Variants in TENM1 observed in about 807,000 individuals in gnomAD.
The protein encoded by TENM1 is teneurin transmembrane protein 1, also known as teneurin-1.
In TENM1, 35 loss-of-function variants were observed where a neutral mutation model predicts 174.8. The ratio of observed to expected loss-of-function variants is 0.20; its 90% CI spans 0.15 to 0.27. TENM1 has a LOEUF of 0.27. Among genes scored for constraint, TENM1 ranks in the 10% least tolerant of loss-of-function variants. The probability of loss-of-function intolerance (pLI) is 1.00; values close to 1 mark genes in which losing one functional copy is unlikely to be tolerated. For synonymous variants in TENM1, 781 were observed against 798.7 expected (o/e 0.98, Z 0.37); for missense variants, 1,633 against 2,130.1 (o/e 0.77, Z 4.59).
At chrX:124,409,858 T>G (rs868166643) in intron 25 of TENM1, among the ~76,000 whole-genome samples, 45 of 109,879 alleles carry the variant, frequency 4.1e-4, no homozygotes, top group Admixed American at 9.6e-4. Context: ...CACTGCTCAA[T>G]GAAATAAAAG....
the TENM1 span, among the ~76,000 whole-genome samples, chrX:125,138,197 T>A: frequency 9.0e-6 from 1 of 110,785 alleles, no homozygotes; most frequent in Non-Finnish European, 1.9e-5. Context: ...GCCCCTGGTA[T>A]AAAGAAATGG....
chrX:124,720,685 C>T (rs1010780695), intron 4 of TENM1, among the ~76,000 whole-genome samples: 1 of 112,103 alleles, frequency 8.9e-6, no homozygotes, highest in Non-Finnish European at 1.9e-5. Context: ...TTTAAAAATG[C>T]ATTTATTTAA....
intron 11 of TENM1, among the ~76,000 whole-genome samples, chrX:124,618,170 C>A (rs1056857781): frequency 2.7e-5 from 3 of 111,751 alleles, no homozygotes; most frequent in African/African-American, 9.7e-5. Flanking sequence ...TAGACATTCA[C>A]GCTGCTTGGA....
chrX:124,664,857 C>T (rs953443908), intron 6 of TENM1, among the ~76,000 whole-genome samples: 5 of 110,198 alleles, frequency 4.5e-5, no homozygotes, highest in African/African-American at 1.3e-4. Context: ...TCAAGATAGC[C>T]GTTATTTAAA....
intron 23 of TENM1, 99 bp downstream of exon 26, chrX:124,453,238 A>G: frequency 1.2e-6 from 1 of 848,569 alleles, no homozygotes; most frequent in Non-Finnish European, 1.6e-6. Flanking sequence ...TATAACAGAT[A>G]TGCCAGGCTT....
chrX:124,668,379 G>A (rs2051826991), intron 6 of TENM1, among the ~76,000 whole-genome samples: 1 of 111,678 alleles, frequency 9.0e-6, no homozygotes, highest in Non-Finnish European at 1.9e-5. Context: ...AAATCATGCT[G>A]CTATAAAGAC....
chrX:124,983,392 C>T, the TENM1 span, among the ~76,000 whole-genome samples: 1 of 111,401 alleles, frequency 9.0e-6, no homozygotes, highest in Non-Finnish European at 1.9e-5. Flanking sequence ...GAATAAGTAG[C>T]TTACTTAATT....
At chrX:124,734,637 G>C (rs1431977892) in intron 4 of TENM1, among the ~76,000 whole-genome samples, 1 of 110,828 alleles carries the variant, frequency 9.0e-6, no homozygotes, top group Non-Finnish European at 1.9e-5. Flanking sequence ...TCCTGGACAT[G>C]GGCCATAGTA....
chrX:124,902,160 C>G (rs766453409), intron 1 of TENM1, among the ~76,000 whole-genome samples: 13 of 111,820 alleles, frequency 1.2e-4, no homozygotes, highest in Non-Finnish European at 1.9e-4. Context: ...TAATTATAAC[C>G]CGAACCTGTT....
the TENM1 span, among the ~76,000 whole-genome samples, chrX:125,113,857 C>G: frequency 1.1e-4 from 12 of 110,824 alleles, no homozygotes; most frequent in Non-Finnish European, 2.1e-4. Flanking sequence ...ATCAATGAAA[C>G]AGAAAATTAA....
intron 10 of TENM1, 25 bp from the exon 14 acceptor site, chrX:124,642,016 G>C: frequency 8.8e-7 from 1 of 1,142,321 alleles, no homozygotes; most frequent in East Asian, 3.0e-5. Flanking sequence ...AAGTGGGGGG[G>C]AGGGGTGATT....
At chrX:124,631,501 G>C (rs918880077) in intron 11 of TENM1, among the ~76,000 whole-genome samples, 4 of 110,925 alleles carry the variant, frequency 3.6e-5, no homozygotes, top group African/African-American at 1.3e-4. Flanking sequence ...TACCAAAAGG[G>C]GGAAAATCAA....
intron 27 of TENM1, 38 bp from the exon 31 acceptor site, chrX:124,392,386 C>G (rs1468853461): frequency 9.8e-7 from 1 of 1,018,961 alleles, no homozygotes; most frequent in Admixed American, 2.4e-5. Context: ...TTAAGCACAG[C>G]CTTGTTCCCC....
chrX:125,195,804 C>A, the TENM1 span, among the ~76,000 whole-genome samples: 1 of 110,436 alleles, frequency 9.1e-6, no homozygotes, highest in African/African-American at 3.3e-5. Context: ...ATAATAATAT[C>A]TCATATTATG....
chrX:124,966,611 G>A (rs768256470), upstream of TENM1, among the ~76,000 whole-genome samples: 2,644 of 104,865 alleles, frequency 0.025, 47 homozygotes, highest in Non-Finnish European at 0.037. Flanking sequence ...GCAGTGAGCC[G>A]AGATCGCGCC....
chrX:124,898,174 T>C (rs1449538386), intron 1 of TENM1, among the ~76,000 whole-genome samples: 1 of 111,524 alleles, frequency 9.0e-6, no homozygotes, highest in Admixed American at 9.6e-5. Flanking sequence ...CTCCCATCCG[T>C]GCCTTCCAAT....
intron 27 of TENM1, among the ~76,000 whole-genome samples, chrX:124,398,167 G>A (rs1339389905): frequency 9.2e-6 from 1 of 108,609 alleles, no homozygotes; most frequent in African/African-American, 3.4e-5. Context: ...GACGGAGCTT[G>A]CAGTGGGCCA....
chrX:124,850,825 C>G (rs2147396991), intron 3 of TENM1, among the ~76,000 whole-genome samples: 1 of 111,109 alleles, frequency 9.0e-6, no homozygotes, highest in African/African-American at 3.3e-5. Flanking sequence ...ATATCACTAT[C>G]AATTGTGATG....
upstream of TENM1, among the ~76,000 whole-genome samples, chrX:124,967,238 C>A (rs139900727): frequency 9.0e-6 from 1 of 110,605 alleles, no homozygotes. Flanking sequence ...GCTATGGAAA[C>A]CTAAGAAGAA....
Sources: allele counts gnomAD v4.1 joint callset (sites outside exome capture counted in the v4.1 genomes callset), GRCh38; gene constraint gnomAD v4.1.1; transcripts MANE v1.5; gene names NCBI Gene and HGNC (gene_info 2026-07-23, HGNC 2026-07-21).